The following ELMO1 variants were observed in gnomAD, a reference collection of about 807,000 sequenced individuals.
ELMO1 encodes engulfment and cell motility 1.
A neutral mutation model predicts 98.9 loss-of-function variants in ELMO1; 26 were observed. The ratio of observed to expected loss-of-function variants is 0.26; its 90% CI spans 0.19 to 0.36. ELMO1 has a LOEUF of 0.36. ELMO1 is among the 10% of genes least tolerant of loss of function. The pLI is 1.00. For synonymous variants in ELMO1, 346 were observed against 346.0 expected, an observed-to-expected ratio of 1.00 and a Z score of 0.00; for missense variants, 627 against 935.2, an observed-to-expected ratio of 0.67 and a Z score of 4.30.
At chr7:36,891,434 A>G (rs1366411892) in intron 17 of ELMO1, among the ~76,000 whole-genome samples, 2 of 152,230 alleles carry the variant, frequency 1.3e-5, no homozygotes, top group African/African-American at 4.8e-5. Flanking sequence ...TTTGCAGGGT[A>G]GGTATCAGCT....
chr7:37,190,581 T>C (rs1791504104), intron 13 of ELMO1, among the ~76,000 whole-genome samples: 1 of 152,184 alleles, frequency 6.6e-6, no homozygotes, highest in Non-Finnish European at 1.5e-5. Context: ...CACTGCAACC[T>C]CTGCCTCCAG....
chr7:37,097,308 C>A (rs556572094), intron 14 of ELMO1, among the ~76,000 whole-genome samples: 1 of 152,152 alleles, frequency 6.6e-6, no homozygotes, highest in African/African-American at 2.4e-5. Context: ...GAGGCCGAGG[C>A]GGGCGGATCA....
At chr7:37,008,085 TTA>T (rs1465688467) in intron 16 of ELMO1, among the ~76,000 whole-genome samples, 8 of 152,364 alleles carry the variant, frequency 5.3e-5, no homozygotes, top group African/African-American at 1.4e-4. Context: ...ATTTTTCAAA[TTA>T]GTTTCTTCCA....
At chr7:37,253,187 G>C (rs1393572538) in intron 6 of ELMO1, among the ~76,000 whole-genome samples, 1 of 152,196 alleles carries the variant, frequency 6.6e-6, no homozygotes, top group African/African-American at 2.4e-5. Flanking sequence ...CAAGGATCTA[G>C]AATCAGAAAT....
intron 1 of ELMO1, among the ~76,000 whole-genome samples, chr7:37,447,914 C>A (rs1377667806): frequency 1.3e-5 from 2 of 151,798 alleles, no homozygotes; most frequent in Non-Finnish European, 2.9e-5. Flanking sequence ...CATGCCGCCG[C>A]CCCCTTCTCT....
chr7:36,907,391 T>C (rs991414639), intron 16 of ELMO1, among the ~76,000 whole-genome samples: 1 of 152,044 alleles, frequency 6.6e-6, no homozygotes, highest in Admixed American at 6.5e-5. Context: ...GGCAGAAGAG[T>C]GCTTTCCAAA....
At chr7:37,173,351 C>G (rs1234372115) in intron 13 of ELMO1, among the ~76,000 whole-genome samples, 1 of 151,864 alleles carries the variant, frequency 6.6e-6, no homozygotes. Flanking sequence ...GAAAAAGGAC[C>G]ATTGAGGGAG....
In ELMO1 at chr7:36,911,326, A is replaced by G. The variant is rs536671360; in HGVS notation, c.1438-16309T>C. Reference sequence around the variant, plus strand: ...AAGAAGTGGATGCCAAACCAACATGACACAGTAGGTGAATGAAATAAGAAA... The same window carrying G: ...AAGAAGTGGATGCCAAACCAACATGGCACAGTAGGTGAATGAAATAAGAAA... On this transcript the variant is annotated intron_variant, in intron 16 of 21. Transcript: ENST00000310758. Among the ~76,000 whole-genome samples, 93 of 152,322 alleles carry G rather than the reference A, an allele frequency of 6.1e-4. 1 individual carries two copies. Among genetic ancestry groups the G allele is most frequent in the African/African-American group, 2.2e-3 (92 of 41,566 alleles).
At chr7:37,402,910 A>G (rs1803594488) in intron 1 of ELMO1, among the ~76,000 whole-genome samples, 1 of 152,218 alleles carries the variant, frequency 6.6e-6, no homozygotes. Context: ...AGTTAAACGT[A>G]ATCTTGTCAT....
At chr7:37,031,903 A>T (rs917738060) in intron 15 of ELMO1, among the ~76,000 whole-genome samples, 3 of 152,186 alleles carry the variant, frequency 2.0e-5, no homozygotes, top group Non-Finnish European at 4.4e-5. Context: ...TGGCAAAACA[A>T]AACATGACCA....
intron 11 of ELMO1, among the ~76,000 whole-genome samples, 174 bp from the exon 12 acceptor site, chr7:37,213,631 G>C (rs981082797): frequency 6.6e-6 from 1 of 152,178 alleles, no homozygotes; most frequent in African/African-American, 2.4e-5. Flanking sequence ...GCCCAGTAAG[G>C]TTCCTGATCT....
In ELMO1 at chr7:37,096,730, G is replaced by A. The variant is rs1433308629; in HGVS notation, c.1192-3C>T. 6.2e-7 allele frequency: 1 copy of A among 1,612,866 alleles called. No homozygotes were observed. The highest frequency in any genetic ancestry group is 1.1e-5 in the South Asian group (1 of 91,068). ...CGACTACTGTTCTCAAGCACAATCT[G>A]TAATGGGAAAGGGAACAGATTAGAA... On this transcript the variant is annotated splice_polypyrimidine_tract_variant and splice_region_variant and intron_variant, in intron 14 of 21. Transcript: ENST00000310758.
chr7:37,349,798 C>T (rs1004781720), intron 1 of ELMO1, among the ~76,000 whole-genome samples: 2 of 152,198 alleles, frequency 1.3e-5, no homozygotes, highest in Non-Finnish European at 2.9e-5. Context: ...TACACTGAAC[C>T]TCAGAAGGGG....
At chr7:37,018,649 G>T (rs2129177283) in intron 15 of ELMO1, among the ~76,000 whole-genome samples, 1 of 151,962 alleles carries the variant, frequency 6.6e-6, no homozygotes, top group South Asian at 2.1e-4. Context: ...GCTAATTTTT[G>T]TGTTTTTAGT....
chr7:36,948,553 G>C (rs949951667), intron 16 of ELMO1, among the ~76,000 whole-genome samples: 27 of 152,296 alleles, frequency 1.8e-4, no homozygotes, highest in Admixed American at 1.6e-3. Context: ...CCACAGAGCA[G>C]TAACTTCCTC....
chr7:36,960,309 T>C (rs1350912597), intron 16 of ELMO1, among the ~76,000 whole-genome samples: 1 of 152,240 alleles, frequency 6.6e-6, no homozygotes, highest in Non-Finnish European at 1.5e-5. Flanking sequence ...GAAATTCCCT[T>C]TGCTCTAAGA....
rs202171528 is a variant in ELMO1 at position 37,191,395 on chromosome 7, CAAGG to C, written c.1086+19987_1086+19990del. Among the ~76,000 whole-genome samples the C allele has an allele frequency of 7.4e-4, 112 of 151,630 alleles. 2 individuals carry two copies. In the East Asian group the frequency reaches 0.021, roughly 28 times the overall value. The stretch of plus-strand genomic sequence containing the variant: ...CAAACAAAAATCTACCTCATGGAAA[CAAGG>C]AAGTACTTAAAAATAGAAGGTACAA... On this transcript the variant is annotated intron_variant, in intron 13 of 21. Transcript: ENST00000310758.
chr7:36,865,920 G>A (rs767816825), intron 20 of ELMO1, among the ~76,000 whole-genome samples: 1 of 152,158 alleles, frequency 6.6e-6, no homozygotes, highest in Non-Finnish European at 1.5e-5. Flanking sequence ...AGGACTTTTT[G>A]GCTAAGACCA....
At chr7:37,276,467 C>A (rs368034888) in intron 4 of ELMO1, among the ~76,000 whole-genome samples, 1 of 152,002 alleles carries the variant, frequency 6.6e-6, no homozygotes, top group Non-Finnish European at 1.5e-5. Flanking sequence ...AAAAATTAGC[C>A]GGGCGTGGTG....
Sources: allele counts gnomAD v4.1 joint callset (sites outside exome capture counted in the v4.1 genomes callset), GRCh38; gene constraint gnomAD v4.1.1; transcripts MANE v1.5; gene names NCBI Gene and HGNC (gene_info 2026-07-23, HGNC 2026-07-21).